The following PRKCA variants were observed in gnomAD, a reference collection of about 807,000 sequenced individuals.
PRKCA encodes protein kinase C alpha type.
Under a neutral mutation model 87.0 loss-of-function variants are expected in PRKCA, and 27 were observed. The observed-to-expected ratio is 0.31, with a 90% CI of 0.23 to 0.43. The LOEUF (loss-of-function observed/expected upper bound fraction) is 0.43. PRKCA is among the 20% of genes least tolerant of loss of function. The pLI, the probability that PRKCA is intolerant of heterozygous loss-of-function variation, is 1.00. For missense variants in PRKCA, 518 were observed against 852.3 expected (o/e 0.61, Z 4.88); for synonymous variants, 329 against 311.1 (o/e 1.06, Z -0.61).
At chr17:66,395,433 T>G (rs1320891689) in intron 2 of PRKCA, among the ~76,000 whole-genome samples, 3 of 152,342 alleles carry the variant, frequency 2.0e-5, no homozygotes, top group African/African-American at 7.2e-5. Context: ...TTGCATTAAG[T>G]CTTCTAAATC....
intron 15 of PRKCA, chr17:66,787,217 G>A (rs775089153): frequency 2.9e-6 from 2 of 680,110 alleles, no homozygotes; most frequent in Non-Finnish European, 2.8e-6. Context: ...TGTTGCTCCT[G>A]GCCTGGCTGC....
Position 66,587,771 on chromosome 17 carries a change from ATATGTGTGTATATGTATACATATATACG to A in PRKCA, c.289-53580_289-53553del, listed in dbSNP as rs1353363489. Among the ~76,000 whole-genome samples, 2 of 112,494 alleles carry A rather than the reference ATATGTGTGTATATGTATACATATATACG, an allele frequency of 1.8e-5. 1 individual carries two copies. Among genetic ancestry groups the A allele is most frequent in the Non-Finnish European group, 3.8e-5 (2 of 52,286 alleles). 73.8% of individuals were successfully genotyped at this position (112,494 alleles called of 152,430 possible). A position where few individuals can be genotyped will look rare whatever the true frequency, so the allele number is the denominator to read the frequency against. Reference sequence around the variant, plus strand: ...TGTGTATATGTATACATATATACGTATATGTGTGTATATGTATACATATATACGTATATGTGTGTGTATATGTATACAT... The same window carrying A: ...TGTGTATATGTATACATATATACGTATATATGTGTGTGTATATGTATACAT... On this transcript the variant is annotated intron_variant, in intron 3 of 16. Transcript: ENST00000413366.
chr17:66,788,352 T>G (rs1975450734), intron 15 of PRKCA, among the ~76,000 whole-genome samples: 1 of 152,182 alleles, frequency 6.6e-6, no homozygotes, highest in Admixed American at 6.5e-5. Context: ...GCCTTCCTTG[T>G]TATAGCATTT....
chr17:66,605,090 A>G (rs1054185599), intron 3 of PRKCA, among the ~76,000 whole-genome samples: 1 of 152,200 alleles, frequency 6.6e-6, no homozygotes, highest in Non-Finnish European at 1.5e-5. Flanking sequence ...TTTCATGTGT[A>G]CATGGGGTTT....
intron 2 of PRKCA, among the ~76,000 whole-genome samples, chr17:66,443,923 C>T (rs1211296750): frequency 2.0e-5 from 3 of 152,106 alleles, no homozygotes; most frequent in East Asian, 1.9e-4. Context: ...GAAACGCAGG[C>T]GGTCAGGAAA....
intron 13 of PRKCA, among the ~76,000 whole-genome samples, chr17:66,752,650 C>T (rs1260447804): frequency 2.6e-5 from 4 of 152,142 alleles, no homozygotes; most frequent in Non-Finnish European, 4.4e-5. Context: ...CATCAGGACC[C>T]GGCAGGTGGA....
At chr17:66,549,159 T>A (rs1032758353) in intron 3 of PRKCA, among the ~76,000 whole-genome samples, 1 of 146,950 alleles carries the variant, frequency 6.8e-6, no homozygotes, top group Non-Finnish European at 1.5e-5. Context: ...TTTTTTTTTT[T>A]ACAATAACCA....
intron 14 of PRKCA, 126 bp downstream of exon 14, chr17:66,774,193 C>T: frequency 6.4e-7 from 1 of 1,555,516 alleles, no homozygotes; most frequent in Non-Finnish European, 8.7e-7. Flanking sequence ...CTTCCCTGAC[C>T]CAGGCGAAAG....
chr17:66,349,558 A>G (rs915653650), intron 2 of PRKCA, among the ~76,000 whole-genome samples: 5 of 152,100 alleles, frequency 3.3e-5, no homozygotes, highest in African/African-American at 9.7e-5. Flanking sequence ...TTTTGCATGG[A>G]AGAAATAAGT....
intron 13 of PRKCA, among the ~76,000 whole-genome samples, chr17:66,751,738 A>T (rs1974431640): frequency 6.6e-6 from 1 of 152,142 alleles, no homozygotes; most frequent in South Asian, 2.1e-4. Context: ...TGCCACCCTC[A>T]GAGGGAGAGA....
intron 2 of PRKCA, among the ~76,000 whole-genome samples, chr17:66,361,063 T>A (rs568185654): frequency 6.6e-6 from 1 of 152,244 alleles, no homozygotes; most frequent in East Asian, 1.9e-4. Context: ...TTGTTTTCAC[T>A]GAAGATTATT....
At chr17:66,580,838 A>G (rs1969405447) in intron 3 of PRKCA, among the ~76,000 whole-genome samples, 1 of 152,126 alleles carries the variant, frequency 6.6e-6, no homozygotes, top group Non-Finnish European at 1.5e-5. Flanking sequence ...CGCTTCTAAC[A>G]GCCTGGATTA....
chr17:66,532,292 C>T (rs992122515), intron 3 of PRKCA, among the ~76,000 whole-genome samples: 7 of 125,578 alleles, frequency 5.6e-5, no homozygotes, highest in African/African-American at 2.0e-4. Context: ...TTGTTTCCTG[C>T]CCCCTCCCCC....
intron 2 of PRKCA, among the ~76,000 whole-genome samples, chr17:66,344,208 C>T (rs1907218323): frequency 6.6e-6 from 1 of 152,052 alleles, no homozygotes; most frequent in African/African-American, 2.4e-5. Context: ...TGAAGTGCTC[C>T]TAGGAGCCAT....
chr17:66,392,172 G>A (rs1216074270), intron 2 of PRKCA, among the ~76,000 whole-genome samples: 2 of 151,540 alleles, frequency 1.3e-5, no homozygotes, highest in African/African-American at 4.8e-5. Flanking sequence ...GGAGCTTGCA[G>A]TGAGCCGAGG....
chr17:66,534,519 T>C (rs1276132658), intron 3 of PRKCA, among the ~76,000 whole-genome samples: 1 of 151,970 alleles, frequency 6.6e-6, no homozygotes, highest in African/African-American at 2.4e-5. Flanking sequence ...TACAAAAAAT[T>C]AGCCGGGCGT....
chr17:66,338,331 C>T (rs1325988225), intron 2 of PRKCA, among the ~76,000 whole-genome samples: 1 of 152,070 alleles, frequency 6.6e-6, no homozygotes, highest in Non-Finnish European at 1.5e-5. Flanking sequence ...TCCGAATGGC[C>T]TCTTTTGACT....
intron 5 of PRKCA, among the ~76,000 whole-genome samples, chr17:66,683,823 C>T (rs539315834): frequency 6.6e-6 from 1 of 152,254 alleles, no homozygotes; most frequent in East Asian, 1.9e-4. Context: ...TGGTCTCAAA[C>T]TCCCAACATC....
chr17:66,366,720 G>A (rs1189157189), intron 2 of PRKCA, among the ~76,000 whole-genome samples: 2 of 152,252 alleles, frequency 1.3e-5, no homozygotes, highest in South Asian at 2.1e-4. Flanking sequence ...TTGCTCTGTT[G>A]GCTGAATTCC....
Sources: allele counts gnomAD v4.1 joint callset (sites outside exome capture counted in the v4.1 genomes callset), GRCh38; gene constraint gnomAD v4.1.1; transcripts MANE v1.5; gene names NCBI Gene and HGNC (gene_info 2026-07-23, HGNC 2026-07-21).